Variants in SHLD1 observed in about 807,000 individuals in gnomAD.
SHLD1 encodes RINN1-REV7-interacting novel NHEJ regulator 3.
SHLD1 carries 3 observed loss-of-function variants against 5.5 expected under a neutral mutation model. That is an observed-to-expected ratio of 0.54 (90% CI 0.25 to 1.40). The LOEUF (loss-of-function observed/expected upper bound fraction) is 1.40. Ranked by LOEUF, SHLD1 falls within the 40% of genes most tolerant of loss-of-function variation. The pLI, the probability that SHLD1 is intolerant of heterozygous loss-of-function variation, is 0.15. For missense variants in SHLD1, 210 were observed against 244.4 expected (o/e 0.86, Z 0.94); for synonymous variants, 92 against 94.3 (o/e 0.98, Z 0.14).
chr20:5,788,302 G>A (rs1376689750), intron 2 of SHLD1, among the ~76,000 whole-genome samples: 1 of 148,878 alleles, frequency 6.7e-6, no homozygotes, highest in Non-Finnish European at 1.5e-5. Flanking sequence ...AGTAGTTGTT[G>A]TTTTGTCCAG....
chr20:5,780,001 CAG>C (rs1187472715), intron 2 of SHLD1, among the ~76,000 whole-genome samples: 1 of 105,162 alleles, frequency 9.5e-6, no homozygotes, highest in Non-Finnish European at 1.7e-5. Context: ...TTTTTGGAGA[CAG>C]AGTCTTGCTC....
intron 2 of SHLD1, among the ~76,000 whole-genome samples, chr20:5,861,461 T>A (rs1417562623): frequency 6.6e-6 from 1 of 152,230 alleles, no homozygotes; most frequent in Non-Finnish European, 1.5e-5. Context: ...ATGAGTTGCC[T>A]TAATATCAGC....
chr20:5,817,432 C>CTCTCTCTCTGTG (rs1473391202), intron 2 of SHLD1, among the ~76,000 whole-genome samples: 46 of 85,656 alleles, frequency 5.4e-4, no homozygotes, highest in African/African-American at 1.2e-3. Flanking sequence ...CTCTCTCTCT[C>CTCTCTCTCTGTG]TGTGTGTGTG....
At chr20:5,795,306 G>A (rs938395392) in intron 2 of SHLD1, among the ~76,000 whole-genome samples, 1 of 151,270 alleles carries the variant, frequency 6.6e-6, no homozygotes, top group Non-Finnish European at 1.5e-5. Context: ...GATAAAATCA[G>A]GCTGTATAGG....
At chr20:5,766,929 A>G (rs760460998) in intron 1 of SHLD1, among the ~76,000 whole-genome samples, 8 of 151,744 alleles carry the variant, frequency 5.3e-5, no homozygotes, top group Non-Finnish European at 7.4e-5. Context: ...TCATGCAAAC[A>G]TATGTTTTTG....
At chr20:5,774,203 C>CAAAACAA (rs1336916737) in intron 2 of SHLD1, among the ~76,000 whole-genome samples, 1 of 151,828 alleles carries the variant, frequency 6.6e-6, no homozygotes, top group Admixed American at 6.6e-5. Context: ...AACTCTGTCT[C>CAAAACAA]AAAACAAAAA....
intron 2 of SHLD1, among the ~76,000 whole-genome samples, chr20:5,775,923 A>ATGTTTTTTTTTTTT (rs1985401809): frequency 1.3e-5 from 1 of 77,676 alleles, no homozygotes; most frequent in Admixed American, 1.5e-4. Context: ...TCAGCTCAGG[A>ATGTTTTTTTTTTTT]TTTTTTTTTT....
chr20:5,796,209 G>A (rs1162822095), intron 2 of SHLD1, among the ~76,000 whole-genome samples: 1 of 151,938 alleles, frequency 6.6e-6, no homozygotes, highest in Non-Finnish European at 1.5e-5. Context: ...AGATCTTAGA[G>A]GAAACATTTT....
At chr20:5,771,875 T>TTTTTC (rs1985177897) in intron 1 of SHLD1, 1 of 145,476 alleles carries the variant, frequency 6.9e-6, no homozygotes, top group Non-Finnish European at 1.4e-5. Flanking sequence ...TTTTTTTTTT[T>TTTTTC]TTTTTTTTTT....
intron 2 of SHLD1, among the ~76,000 whole-genome samples, chr20:5,781,933 A>G (rs961996657): frequency 4.6e-5 from 7 of 152,220 alleles, no homozygotes; most frequent in African/African-American, 1.7e-4. Context: ...GCACGACTGT[A>G]CAGGTGCACA....
intron 2 of SHLD1, among the ~76,000 whole-genome samples, chr20:5,793,898 C>A (rs951803989): frequency 2.0e-5 from 3 of 151,990 alleles, no homozygotes; most frequent in Non-Finnish European, 2.9e-5. Flanking sequence ...TCAGTAGAGA[C>A]AGGGTTTCAC....
chr20:5,790,900 C>T (rs779592645), intron 2 of SHLD1, among the ~76,000 whole-genome samples: 22 of 152,168 alleles, frequency 1.4e-4, no homozygotes, highest in Non-Finnish European at 2.5e-4. Context: ...CGGTGGCTCA[C>T]GCCTGTACTC....
intron 2 of SHLD1, among the ~76,000 whole-genome samples, chr20:5,829,089 C>G (rs980862537): frequency 8.3e-6 from 1 of 119,840 alleles, no homozygotes. Flanking sequence ...GTTGCCCAGG[C>G]TGGTCTCAAC....
chr20:5,862,089 A>G (rs894668008), intron 2 of SHLD1, among the ~76,000 whole-genome samples: 2 of 152,172 alleles, frequency 1.3e-5, no homozygotes, highest in Non-Finnish European at 1.5e-5. Flanking sequence ...GATTCTACCT[A>G]TAGACCTCAT....
In SHLD1 at chr20:5,863,670, G is replaced by A. The variant is rs536559610; in HGVS notation, c.*207G>A. The A allele has an allele frequency of 4.0e-5, 21 of 526,122 alleles. No individual in the cohort carries two copies. Among genetic ancestry groups the A allele is most frequent in the South Asian group, 6.6e-5 (2 of 30,338 alleles). 32.6% of individuals were successfully genotyped at this position (526,122 alleles called of 1,614,324 possible). A position where few individuals can be genotyped will look rare whatever the true frequency, so the allele number is the denominator to read the frequency against. On this transcript the variant is annotated 3_prime_UTR_variant, in exon 3 of 3. Transcript: ENST00000303142. ...AGCCAGCAGGGTCTGGGAGTTCTCC[G>A]TCCTCTTGGCCAAGGCCGCTGACTG...
At chr20:5,826,912 C>T (rs900681281) in intron 2 of SHLD1, among the ~76,000 whole-genome samples, 1 of 151,938 alleles carries the variant, frequency 6.6e-6, no homozygotes, top group East Asian at 1.9e-4. Context: ...CATATCCCCC[C>T]CTTCACCACA....
At chr20:5,755,749 G>A (rs1200188636) in intron 1 of SHLD1, among the ~76,000 whole-genome samples, 1 of 151,924 alleles carries the variant, frequency 6.6e-6, no homozygotes, top group East Asian at 1.9e-4. Flanking sequence ...AGTAGAGACG[G>A]GGTTTCTCCA....
At chr20:5,807,853 G>A (rs1439880409) in intron 2 of SHLD1, among the ~76,000 whole-genome samples, 2 of 152,174 alleles carry the variant, frequency 1.3e-5, no homozygotes, top group Non-Finnish European at 2.9e-5. Context: ...GTCTTTGGAG[G>A]AAGGTCCCCA....
chr20:5,801,314 G>A (rs533487997), intron 2 of SHLD1, among the ~76,000 whole-genome samples: 113 of 152,108 alleles, frequency 7.4e-4, no homozygotes, highest in African/African-American at 2.6e-3. Flanking sequence ...TACCTCAAGC[G>A]ATCCACCCAC....
Sources: allele counts gnomAD v4.1 joint callset (sites outside exome capture counted in the v4.1 genomes callset), GRCh38; gene constraint gnomAD v4.1.1; transcripts MANE v1.5; gene names NCBI Gene and HGNC (gene_info 2026-07-23, HGNC 2026-07-21).